The following LMF1 variants were observed in gnomAD, a reference collection of about 807,000 sequenced individuals.
The protein encoded by LMF1 is transmembrane protein 112.
Under a neutral mutation model 60.6 loss-of-function variants are expected in LMF1, and 68 were observed. The ratio of observed to expected loss-of-function variants is 1.12; its 90% CI spans 0.92 to 1.37. The LOEUF (loss-of-function observed/expected upper bound fraction) is 1.37. LMF1 is among the 40% of genes most tolerant of loss of function. The probability of loss-of-function intolerance (pLI) is 0.00; values close to 1 mark genes in which losing one functional copy is unlikely to be tolerated. For synonymous variants in LMF1, 418 were observed against 324.7 expected, an observed-to-expected ratio of 1.29 and a Z score of -3.09; for missense variants, 948 against 767.2, an observed-to-expected ratio of 1.24 and a Z score of -2.78.
intron 5 of LMF1, among the ~76,000 whole-genome samples, chr16:889,619 CT>C (rs1402456327): frequency 1.3e-5 from 2 of 152,170 alleles, no homozygotes; most frequent in African/African-American, 4.8e-5. Flanking sequence ...GGGCACCCCC[CT>C]CTGACTCCTT....
rs1292599513 is a variant in LMF1 at position 949,580 on chromosome 16, AACGACAGAGTCAGAG to A, written c.503+4762_503+4776del. ...CAGAGACAATGACAGAGTCAGAGACAACGACAGAGTCAGAGACGACAGAGTCAGAGACGACAGAGT... is the reference window on the plus strand; with the variant it reads ...CAGAGACAATGACAGAGTCAGAGACAACGACAGAGTCAGAGACGACAGAGT... On this transcript the variant is annotated intron_variant, in intron 2 of 10. Transcript: ENST00000262301. 1.7e-4 allele frequency among the ~76,000 whole-genome samples: 22 copies of A among 126,104 alleles called. 1 individual carries two copies. The highest frequency in any genetic ancestry group is 1.1e-3 in the Admixed American group (14 of 12,900). 82.7% of individuals were successfully genotyped at this position (126,104 alleles called of 152,430 possible).
intron 3 of LMF1, among the ~76,000 whole-genome samples, chr16:919,572 A>C (rs79417181): frequency 2.6e-5 from 4 of 152,178 alleles, no homozygotes; most frequent in African/African-American, 7.2e-5. Context: ...CGCTCTGGAC[A>C]GTGTGCGCCC....
intron 10 of LMF1, among the ~76,000 whole-genome samples, chr16:859,242 G>T (rs2069340672): frequency 7.9e-6 from 1 of 126,314 alleles, no homozygotes; most frequent in Non-Finnish European, 1.6e-5. Flanking sequence ...CACGGGACGG[G>T]TGTGCAGTGG....
chr16:923,150 G>A (rs117671231), intron 3 of LMF1, among the ~76,000 whole-genome samples: 9,214 of 135,162 alleles, frequency 0.068, 509 homozygotes, highest in Non-Finnish European at 0.092. Flanking sequence ...TCGTGTTGTT[G>A]CAAAGGCCTG....
intron 4 of LMF1, chr16:904,894 G>T: frequency 1.0e-5 from 1 of 96,484 alleles, no homozygotes; most frequent in African/African-American, 7.5e-5. Flanking sequence ...GCGTGGTGGT[G>T]ACCTCTGCAT....
At chr16:918,375 A>C (rs2071337241) in intron 3 of LMF1, among the ~76,000 whole-genome samples, 1 of 152,242 alleles carries the variant, frequency 6.6e-6, no homozygotes, top group South Asian at 2.1e-4. Flanking sequence ...ACAAATCCGC[A>C]GTAATGACCT....
upstream of LMF1, among the ~76,000 whole-genome samples, chr16:971,176 G>A (rs957875613): frequency 4.6e-5 from 7 of 152,200 alleles, no homozygotes; most frequent in African/African-American, 1.4e-4. Context: ...GGTGCCCGGA[G>A]CCTGCCTCCT....
Position 878,239 on chromosome 16 carries a change from G to C in LMF1, c.897+1331C>G, listed in dbSNP as rs1465789856. Among the ~76,000 whole-genome samples, 1 of 152,116 alleles carries C rather than the reference G, an allele frequency of 6.6e-6. No homozygotes were observed. Among genetic ancestry groups the C allele is most frequent in the African/African-American group, 2.4e-5 (1 of 41,422 alleles). The stretch of plus-strand genomic sequence containing the variant: ...TGCGGTCCTGGCTGGGGGACGATCT[G>C]TGAGCAAGTCCGTTCTTCCCACTTA... On this transcript the variant is annotated intron_variant, in intron 6 of 10. Coordinates refer to ENST00000262301, the MANE Select transcript of LMF1 (RefSeq NM_022773.4). The surrounding 1 kb of genome is among the most constrained non-coding windows in gnomAD (Gnocchi z 5.2).
rs1480231659 is a variant in LMF1, at chr16:878,112, C to G, written c.897+1458G>C. On this transcript the variant is annotated intron_variant, in intron 6 of 10. Coordinates refer to ENST00000262301, the MANE Select transcript of LMF1 (RefSeq NM_022773.4). The surrounding 1 kb of genome is among the most constrained non-coding windows in gnomAD (Gnocchi z 5.2). ...CGCGTGGGGTCCAGCCACATGGAAT[C>G]CACTGAAGCTATTCCAGGAGCCCCC... Among the ~76,000 whole-genome samples the G allele has an allele frequency of 3.3e-5, 5 of 151,870 alleles. No individual in the cohort carries two copies. Among genetic ancestry groups the G allele is most frequent in the African/African-American group, 1.2e-4 (5 of 41,298 alleles).
Position 934,391 on chromosome 16 carries a change from C to T in LMF1, c.504-137G>A, listed in dbSNP as rs562245580. 2.5e-5 allele frequency: 27 copies of T among 1,068,764 alleles called. No individual in the cohort carries two copies. The African/African-American group carries it at 3.4e-4, about 14-fold the overall frequency. The allele number at this position is 1,068,764 out of a possible 1,614,324, so 66.2% of individuals were successfully genotyped here. On this transcript the variant is annotated intron_variant, in intron 2 of 10. Coordinates refer to ENST00000262301, the MANE Select transcript of LMF1 (RefSeq NM_022773.4). Reference sequence around the variant, plus strand: ...AGGGAAGCCCTGCGAGGAGGACCTGCCCGCTGGGCATTAGGGGAACAGGAG... The same window carrying T: ...AGGGAAGCCCTGCGAGGAGGACCTGTCCGCTGGGCATTAGGGGAACAGGAG...
chr16:918,014 G>T (rs1040892893), intron 3 of LMF1, among the ~76,000 whole-genome samples: 4 of 152,266 alleles, frequency 2.6e-5, no homozygotes, highest in African/African-American at 9.6e-5. Flanking sequence ...CAGAGCTGGG[G>T]ACATGGCGTC....
intron 2 of LMF1, chr16:947,556 G>C (rs1394270095): frequency 6.6e-6 from 3 of 455,984 alleles, no homozygotes; most frequent in African/African-American, 6.0e-5. Context: ...GTCCTGCCCA[G>C]GAAGGAAGCT....
intron 10 of LMF1, among the ~76,000 whole-genome samples, chr16:856,920 C>G (rs533996364): frequency 2.6e-5 from 4 of 152,390 alleles, no homozygotes; most frequent in African/African-American, 9.6e-5. Flanking sequence ...GCCACAGACA[C>G]GGGTCCCATC....
chr16:951,668 A>G (rs1463378442), intron 2 of LMF1, among the ~76,000 whole-genome samples: 2 of 152,256 alleles, frequency 1.3e-5, no homozygotes, highest in African/African-American at 4.8e-5. Flanking sequence ...AACCACGCTC[A>G]GGTGAACGAT....
chr16:927,056 G>A (rs1176373445), intron 3 of LMF1, among the ~76,000 whole-genome samples: 2 of 152,190 alleles, frequency 1.3e-5, no homozygotes, highest in African/African-American at 4.8e-5. Context: ...CCCAGGCGGA[G>A]ACTCAGGCCC....
chr16:912,775 C>T (rs913140351), intron 3 of LMF1, among the ~76,000 whole-genome samples: 1 of 152,228 alleles, frequency 6.6e-6, no homozygotes, highest in Non-Finnish European at 1.5e-5. Flanking sequence ...GGCCCACCTG[C>T]TTCTGTTTTC....
chr16:928,699 C>CCT (rs1434604989), intron 3 of LMF1, among the ~76,000 whole-genome samples: 4 of 151,858 alleles, frequency 2.6e-5, no homozygotes, highest in Non-Finnish European at 4.4e-5. Context: ...CCCACGAGCC[C>CCT]CTCCCCACAT....
At position 870,019 on chromosome 16, in the gene LMF1, G is replaced by C. The variant is rs1395024798; in HGVS notation, c.1280C>G (p.Ser427Cys). The change falls in exon 9 of 11, where the codon TCC (serine) becomes TGC (cysteine). Residue 427 changes from serine to cysteine, a missense_variant. Coordinates refer to ENST00000262301, the MANE Select transcript of LMF1 (RefSeq NM_022773.4). ...CATGGCATCGGGGGCGCTGGCGTTGGAGCTGGCTGTGCCCTGCAGGATCAC... is the reference window on the plus strand; with the variant it reads ...CATGGCATCGGGGGCGCTGGCGTTGCAGCTGGCTGTGCCCTGCAGGATCAC... ...AEVILQGTAS[S>C]NASAPDAMWE... The C allele has an allele frequency of 1.1e-5, 17 of 1,612,516 alleles. No individual in the cohort carries two copies. The highest frequency in any genetic ancestry group is 1.7e-5 in the Admixed American group (1 of 59,994).
intron 3 of LMF1, among the ~76,000 whole-genome samples, chr16:927,645 G>T (rs2151776870): frequency 6.6e-6 from 1 of 152,338 alleles, no homozygotes; most frequent in South Asian, 2.1e-4. Flanking sequence ...CGGGGACTGG[G>T]GCTGCTTGGT....
Sources: gnomAD v4.1 joint callset for allele counts (sites outside exome capture counted in the v4.1 genomes callset) on GRCh38, gnomAD v4.1.1 for gene constraint, Gnocchi (gnomAD v3.1) non-coding constraint, MANE v1.5 for transcripts, NCBI Gene and HGNC (gene_info 2026-07-23, HGNC 2026-07-21) for gene names.